Variants in PRORP observed in about 807,000 individuals in gnomAD.
PRORP encodes the protein mitochondrial ribonuclease P catalytic subunit.
A neutral mutation model predicts 59.4 loss-of-function variants in PRORP; 51 were observed. The ratio of observed to expected loss-of-function variants is 0.86; its 90% confidence interval spans 0.69 to 1.08. PRORP has a LOEUF of 1.08. Ranked by LOEUF, PRORP falls within the 50% of genes least tolerant of loss-of-function variation. The probability of loss-of-function intolerance (pLI) is 0.00; values close to 1 mark genes in which losing one functional copy is unlikely to be tolerated. For synonymous variants in PRORP, 231 were observed against 245.6 expected (o/e 0.94, Z 0.55); for missense variants, 646 against 690.3 (o/e 0.94, Z 0.72).
intron 5 of PRORP, among the ~76,000 whole-genome samples, chr14:35,260,686 T>A (rs2138632607): frequency 6.6e-6 from 1 of 152,382 alleles, no homozygotes; most frequent in African/African-American, 2.4e-5. Flanking sequence ...GTTATGCACC[T>A]ATCACAGTTT....
intron 5 of PRORP, among the ~76,000 whole-genome samples, chr14:35,210,156 A>C (rs1233378857): frequency 1.3e-5 from 2 of 152,236 alleles, no homozygotes; most frequent in Non-Finnish European, 2.9e-5. Context: ...AATGGAAAAA[A>C]AAGAACTTGG....
chr14:35,221,409 C>T (rs1052450910), intron 5 of PRORP, among the ~76,000 whole-genome samples: 2 of 152,142 alleles, frequency 1.3e-5, no homozygotes, highest in African/African-American at 4.8e-5. Flanking sequence ...TGGTATGGCA[C>T]TGCTGTTGAT....
Position 35,246,497 on chromosome 14 carries a change from CT to C in PRORP, c.1276-20226del, listed in dbSNP as rs200975165. Among the ~76,000 whole-genome samples the C allele has an allele frequency of 3.3e-3, 507 of 152,274 alleles. 2 individuals carry two copies. The highest frequency in any genetic ancestry group is 0.012 in the African/African-American group (484 of 41,542). ...ACTCCTTTACTTCCAGTTCTGGAGT[CT>C]TTTGAAAATTGGGTTGGTTCTTAGC... On this transcript the variant is annotated intron_variant, in intron 5 of 7. Coordinates refer to ENST00000534898, the MANE Select transcript of PRORP (RefSeq NM_014672.4).
intron 5 of PRORP, among the ~76,000 whole-genome samples, chr14:35,212,088 A>G (rs1002357315): frequency 1.3e-5 from 2 of 152,202 alleles, no homozygotes; most frequent in Non-Finnish European, 2.9e-5. Context: ...GTTTCTCCAT[A>G]ACAAGCAACT....
chr14:35,180,209 C>T (rs1285518024), intron 4 of PRORP, among the ~76,000 whole-genome samples: 1 of 152,156 alleles, frequency 6.6e-6, no homozygotes, highest in Non-Finnish European at 1.5e-5. Context: ...ATCTCAAACT[C>T]CGTGCTGGGA....
chr14:35,184,393 A>G (rs1201952786), intron 5 of PRORP, among the ~76,000 whole-genome samples: 1 of 152,130 alleles, frequency 6.6e-6, no homozygotes. Context: ...CACCATGTAG[A>G]GATTTATTGG....
At position 35,140,232 on chromosome 14, in the gene PRORP, T is replaced by C. The variant is rs943761238; in HGVS notation, c.1167+12621T>C. Among the ~76,000 whole-genome samples the C allele has an allele frequency of 1.7e-3, 74 of 44,076 alleles. 4 individuals are homozygous for C. Among genetic ancestry groups the C allele is most frequent in the African/African-American group, 8.2e-3 (65 of 7,912 alleles). The allele number at this position is 44,076 out of a possible 152,430, so 28.9% of individuals were successfully genotyped here. A position where few individuals can be genotyped will look rare whatever the true frequency, so the allele number is the denominator to read the frequency against. ...TATGGTAGATGTCTTATGGTAGATA[T>C]GTGTGTGTGTGTGTCGCTTTTTCAG... On this transcript the variant is annotated intron_variant, in intron 4 of 7. Transcript: ENST00000534898.
chr14:35,254,085 C>T (rs965008721), intron 5 of PRORP, among the ~76,000 whole-genome samples: 1 of 150,808 alleles, frequency 6.6e-6, no homozygotes, highest in African/African-American at 2.4e-5. Context: ...AAAGCTCCTC[C>T]TCTCATAGAC....
At chr14:35,140,086 T>G (rs2047450258) in intron 4 of PRORP, among the ~76,000 whole-genome samples, 1 of 145,852 alleles carries the variant, frequency 6.9e-6, no homozygotes, top group African/African-American at 2.4e-5. Context: ...ACAAAGACCC[T>G]CTTTCTACAT....
intron 5 of PRORP, among the ~76,000 whole-genome samples, chr14:35,232,890 G>A: frequency 6.6e-6 from 1 of 152,014 alleles, no homozygotes; most frequent in East Asian, 1.9e-4. Context: ...AGCCAGGATG[G>A]TCTTGGTCTC....
chr14:35,195,991 A>G (rs1472480907), intron 5 of PRORP, among the ~76,000 whole-genome samples: 2 of 152,234 alleles, frequency 1.3e-5, no homozygotes, highest in Admixed American at 1.3e-4. Flanking sequence ...TAAAGTAATT[A>G]TATGTAATAT....
intron 4 of PRORP, 112 bp downstream of exon 4, chr14:35,127,723 C>T (rs1248940340): frequency 3.8e-6 from 4 of 1,054,722 alleles, no homozygotes; most frequent in South Asian, 1.5e-5. Flanking sequence ...TCATCGGTCC[C>T]TGTTGCAACT....
At chr14:35,135,686 A>C (rs2010648) in intron 4 of PRORP, among the ~76,000 whole-genome samples, 30,815 of 152,094 alleles carry the variant, frequency 0.2, 3,302 homozygotes, top group East Asian at 0.37. Context: ...CAGGCCGGGC[A>C]TAGTGGCTTA....
intron 4 of PRORP, among the ~76,000 whole-genome samples, chr14:35,174,824 T>C (rs1202527887): frequency 6.6e-6 from 1 of 151,478 alleles, no homozygotes; most frequent in Non-Finnish European, 1.5e-5. Context: ...ACATGTGCCA[T>C]GTTGGTGTGC....
chr14:35,206,702 T>G (rs529102824), intron 5 of PRORP, among the ~76,000 whole-genome samples: 14 of 152,312 alleles, frequency 9.2e-5, no homozygotes, highest in Non-Finnish European at 1.8e-4. Flanking sequence ...ATTTATTGAC[T>G]GGGTGACTAT....
upstream of PRORP, chr14:35,121,969 C>T (rs1566434147): frequency 6.2e-7 from 1 of 1,614,088 alleles, no homozygotes; most frequent in African/African-American, 1.3e-5. Flanking sequence ...TGGCCGACTT[C>T]CGCGCAGCAG....
At chr14:35,272,121 T>G (rs2051209359) in intron 7 of PRORP, among the ~76,000 whole-genome samples, 1 of 152,158 alleles carries the variant, frequency 6.6e-6, no homozygotes, top group Non-Finnish European at 1.5e-5. Context: ...CCATGATGAC[T>G]GTAGTTAATA....
At chr14:35,211,792 A>G (rs867173702) in intron 5 of PRORP, among the ~76,000 whole-genome samples, 2 of 152,112 alleles carry the variant, frequency 1.3e-5, no homozygotes, top group African/African-American at 4.8e-5. Context: ...TGTTGCTGAC[A>G]GTTGGGGTGG....
chr14:35,237,775 C>T (rs542741343), intron 5 of PRORP, among the ~76,000 whole-genome samples: 2 of 152,296 alleles, frequency 1.3e-5, no homozygotes, highest in African/African-American at 4.8e-5. Flanking sequence ...TCTCCTGCCT[C>T]AGCCTCCGCT....
Sources: allele counts gnomAD v4.1 joint callset (sites outside exome capture counted in the v4.1 genomes callset), GRCh38; gene constraint gnomAD v4.1.1; transcripts MANE v1.5; gene names NCBI Gene and HGNC (gene_info 2026-07-23, HGNC 2026-07-21).